TASP1: variants seen among roughly 807,000 people sequenced by gnomAD.
TASP1 encodes threonine aspartase 1.
Under a neutral mutation model 56.6 loss-of-function variants are expected in TASP1, and 16 were observed. That is an observed-to-expected ratio of 0.28 (90% CI 0.19 to 0.43). The LOEUF is 0.43. Among genes scored for constraint, TASP1 ranks in the 20% least tolerant of loss-of-function variants. The pLI is 1.00. For missense variants in TASP1, 393 were observed against 511.6 expected (o/e 0.77, Z 2.24); for synonymous variants, 179 against 184.2 (o/e 0.97, Z 0.23).
chr20:13,610,503 G>A (rs1164429263), intron 4 of TASP1, among the ~76,000 whole-genome samples: 2 of 151,976 alleles, frequency 1.3e-5, no homozygotes, highest in African/African-American at 4.8e-5. Context: ...TCATGAAGCT[G>A]TCCCCTTAAA....
intron 10 of TASP1, among the ~76,000 whole-genome samples, chr20:13,522,629 T>C (rs6042196): frequency 2.0e-5 from 3 of 152,314 alleles, no homozygotes; most frequent in African/African-American, 7.2e-5. Flanking sequence ...CTGTTATATA[T>C]ACAAGTGGAG....
At chr20:13,222,238 TG>T in the TASP1 span, among the ~76,000 whole-genome samples, 1 of 151,968 alleles carries the variant, frequency 6.6e-6, no homozygotes, top group Non-Finnish European at 1.5e-5. Context: ...TGTGCTTGCT[TG>T]GGGGTGCTAC....
chr20:13,283,828 A>T, the TASP1 span, among the ~76,000 whole-genome samples: 1 of 150,038 alleles, frequency 6.7e-6, no homozygotes, highest in Non-Finnish European at 1.5e-5. Context: ...ACTGGTCATA[A>T]CCCTATTTTA....
intron 11 of TASP1, among the ~76,000 whole-genome samples, chr20:13,449,862 T>C (rs375835083): frequency 2.0e-5 from 3 of 152,130 alleles, no homozygotes; most frequent in Non-Finnish European, 4.4e-5. Flanking sequence ...CACCCATTAA[T>C]GCAGGAGGAC....
chr20:13,589,033 T>C lies in TASP1; in HGVS notation c.283-1663A>G, dbSNP rs532284397. Among the ~76,000 whole-genome samples the C allele has an allele frequency of 1.2e-4, 18 of 149,678 alleles. No homozygotes were observed. The South Asian group carries it at 2.3e-3, about 19-fold the overall frequency. On this transcript the variant is annotated intron_variant, in intron 4 of 13. Coordinates refer to ENST00000337743, the MANE Select transcript of TASP1 (RefSeq NM_017714.3). ...CAACAAGGTTGCCACAACAATTCAA[T>C]AAAGAAGGTATAGTCTTTCGTGGGT...
intron 13 of TASP1, among the ~76,000 whole-genome samples, chr20:13,413,128 T>C (rs1280457150): frequency 2.0e-5 from 3 of 152,188 alleles, no homozygotes; most frequent in African/African-American, 4.8e-5. Context: ...ACTAGTCAGA[T>C]GTGCCAAGAA....
chr20:13,338,299 A>G, the TASP1 span, among the ~76,000 whole-genome samples: 1 of 152,166 alleles, frequency 6.6e-6, no homozygotes, highest in Non-Finnish European at 1.5e-5. Flanking sequence ...TGGGAGTGTA[A>G]TTAGCATATA....
the TASP1 span, among the ~76,000 whole-genome samples, chr20:13,381,575 C>G: frequency 6.6e-6 from 1 of 152,350 alleles, no homozygotes; most frequent in East Asian, 1.9e-4. Context: ...TGCCACAGGA[C>G]TCTTCTTAGA....
chr20:13,384,604 G>A (rs1257028185), downstream of TASP1, among the ~76,000 whole-genome samples: 1 of 152,150 alleles, frequency 6.6e-6, no homozygotes, highest in Non-Finnish European at 1.5e-5. Flanking sequence ...AAGTGCTGGG[G>A]AGGGGTGGTG....
At chr20:13,531,958 C>T (rs6134902) in intron 9 of TASP1, among the ~76,000 whole-genome samples, 54,645 of 152,132 alleles carry the variant, frequency 0.36, 10,640 homozygotes, top group Non-Finnish European at 0.43. Context: ...AGCCACTGCA[C>T]CTGGCTTAAT....
chr20:13,435,027 GTA>G lies in TASP1; in HGVS notation c.1096+15_1096+16del. On this transcript the variant is annotated intron_variant, in intron 12 of 13. Transcript: ENST00000337743. ...AAAAAAATAGAAAGACACACACAAT[GTA>G]TATGTCTCACTTACCTAGAAGTGTC... is the stretch of plus-strand genomic sequence containing the variant. 6.4e-7 allele frequency: 1 copy of G among 1,557,244 alleles called. No individual in the cohort carries two copies. Among genetic ancestry groups the G allele is most frequent in the Non-Finnish European group, 8.8e-7 (1 of 1,135,536 alleles).
the TASP1 span, among the ~76,000 whole-genome samples, chr20:13,283,022 T>C: frequency 6.6e-6 from 1 of 152,182 alleles, no homozygotes; most frequent in Non-Finnish European, 1.5e-5. Flanking sequence ...AGAATTCCCC[T>C]TTTCTTTCTG....
the TASP1 span, among the ~76,000 whole-genome samples, chr20:13,197,731 T>C: frequency 6.6e-6 from 1 of 152,218 alleles, no homozygotes; most frequent in African/African-American, 2.4e-5. Context: ...CATTTTCTCC[T>C]TTCTTATCTT....
chr20:13,397,699 C>A (rs542715540), intron 13 of TASP1, among the ~76,000 whole-genome samples: 2 of 152,302 alleles, frequency 1.3e-5, no homozygotes, highest in Admixed American at 6.5e-5. Context: ...TCAGAGAAAT[C>A]GGTTTGAGCC....
At chr20:13,462,395 C>G (rs1171762951) in intron 11 of TASP1, among the ~76,000 whole-genome samples, 1 of 152,098 alleles carries the variant, frequency 6.6e-6, no homozygotes, top group Non-Finnish European at 1.5e-5. Context: ...CTATATGGGA[C>G]AGCATGGCTT....
the TASP1 span, among the ~76,000 whole-genome samples, chr20:13,277,657 T>TA: frequency 7.0e-6 from 1 of 142,622 alleles, no homozygotes; most frequent in African/African-American, 2.7e-5. Context: ...TTTTTTTTTT[T>TA]ACTTTTGGGA....
chr20:13,428,133 T>C (rs1004604736), intron 12 of TASP1, among the ~76,000 whole-genome samples: 1 of 152,188 alleles, frequency 6.6e-6, no homozygotes, highest in Non-Finnish European at 1.5e-5. Flanking sequence ...TTTTTCTATA[T>C]GGAATCTGTT....
the TASP1 span, among the ~76,000 whole-genome samples, chr20:13,115,865 A>G: frequency 6.6e-6 from 1 of 152,184 alleles, no homozygotes; most frequent in Admixed American, 6.5e-5. Context: ...TTTGTATTGC[A>G]TATGAGGAAA....
intron 4 of TASP1, among the ~76,000 whole-genome samples, chr20:13,590,246 A>G (rs2047472381): frequency 6.6e-6 from 1 of 152,166 alleles, no homozygotes. Flanking sequence ...AAAAAGAAAA[A>G]GAAAAATGTT....
Sources: gnomAD v4.1 joint callset for allele counts (sites outside exome capture counted in the v4.1 genomes callset) on GRCh38, gnomAD v4.1.1 for gene constraint, MANE v1.5 for transcripts, NCBI Gene and HGNC (gene_info 2026-07-23, HGNC 2026-07-21) for gene names.